The following CNTN5 variants were observed in gnomAD, a reference collection of about 807,000 sequenced individuals.
CNTN5 encodes contactin-5.
In CNTN5, 77 loss-of-function variants were observed where a neutral mutation model predicts 129.1. That is an observed-to-expected ratio of 0.60 (90% CI 0.50 to 0.72). The LOEUF is 0.72. Among genes scored for constraint, CNTN5 ranks in the 30% least tolerant of loss-of-function variants. The pLI is 0.00. For synonymous variants in CNTN5, 509 were observed against 465.6 expected, an observed-to-expected ratio of 1.09 and a Z score of -1.20; for missense variants, 1,478 against 1,328.8, an observed-to-expected ratio of 1.11 and a Z score of -1.75.
At chr11:99,866,313 A>G (rs1948354836) in intron 6 of CNTN5, among the ~76,000 whole-genome samples, 1 of 152,204 alleles carries the variant, frequency 6.6e-6, no homozygotes, top group Admixed American at 6.5e-5. Context: ...AATAGTGGTA[A>G]CTTCTCCTGG....
At chr11:99,868,818 C>A (rs1047683515) in intron 6 of CNTN5, among the ~76,000 whole-genome samples, 2 of 152,096 alleles carry the variant, frequency 1.3e-5, no homozygotes, top group Non-Finnish European at 2.9e-5. Flanking sequence ...CTTGAGTCTG[C>A]ACATTCATCA....
intron 15 of CNTN5, among the ~76,000 whole-genome samples, chr11:100,200,882 C>CT (rs1948761843): frequency 6.6e-6 from 1 of 151,894 alleles, no homozygotes. Context: ...GTATCTAGGA[C>CT]TGTATATGTT....
intron 8 of CNTN5, among the ~76,000 whole-genome samples, chr11:99,969,489 C>T (rs911756627): frequency 6.6e-6 from 1 of 152,094 alleles, no homozygotes; most frequent in Non-Finnish European, 1.5e-5. Flanking sequence ...AACTACTTGA[C>T]ACTCAATTCT....
intron 4 of CNTN5, among the ~76,000 whole-genome samples, chr11:99,823,937 T>A (rs1341817798): frequency 6.6e-6 from 1 of 152,092 alleles, no homozygotes; most frequent in Non-Finnish European, 1.5e-5. Context: ...TCAGTCATGA[T>A]CCACCTTTTC....
chr11:100,183,696 T>C (rs749593347), intron 13 of CNTN5, among the ~76,000 whole-genome samples: 1 of 152,132 alleles, frequency 6.6e-6, no homozygotes, highest in African/African-American at 2.4e-5. Context: ...ATCTTCACTA[T>C]GGTAATGGTT....
chr11:99,287,994 T>G, intron 1 of CNTN5, among the ~76,000 whole-genome samples: 1 of 151,996 alleles, frequency 6.6e-6, no homozygotes, highest in East Asian at 1.9e-4. Context: ...TCAAGGACCC[T>G]TATCCTCCTC....
At chr11:99,381,484 A>G (rs955576954) in intron 2 of CNTN5, among the ~76,000 whole-genome samples, 2 of 152,230 alleles carry the variant, frequency 1.3e-5, no homozygotes, top group African/African-American at 4.8e-5. Flanking sequence ...AAATGGCTGT[A>G]TGCAGAAGGC....
chr11:99,410,416 C>T (rs1177065449), intron 2 of CNTN5, among the ~76,000 whole-genome samples: 1 of 152,098 alleles, frequency 6.6e-6, no homozygotes, highest in African/African-American at 2.4e-5. Flanking sequence ...AAAAGACTGG[C>T]AAGCTAGATC....
At chr11:100,195,016 G>A (rs1948599814) in intron 15 of CNTN5, among the ~76,000 whole-genome samples, 1 of 149,884 alleles carries the variant, frequency 6.7e-6, no homozygotes, top group Admixed American at 6.9e-5. Flanking sequence ...AAAGTATTTA[G>A]AGTGTGTTAA....
At chr11:99,332,791 A>G (rs907367715) in intron 2 of CNTN5, among the ~76,000 whole-genome samples, 10 of 152,096 alleles carry the variant, frequency 6.6e-5, no homozygotes, top group African/African-American at 1.4e-4. Flanking sequence ...TAATTAGTCT[A>G]TTAGTATCCA....
chr11:99,848,484 GATA>G (rs1947773111), intron 6 of CNTN5, among the ~76,000 whole-genome samples: 1 of 151,942 alleles, frequency 6.6e-6, no homozygotes. Context: ...AATCGACTGA[GATA>G]ATGATTAAAG....
At chr11:99,333,213 A>AT (rs1866076537) in intron 2 of CNTN5, among the ~76,000 whole-genome samples, 1 of 152,008 alleles carries the variant, frequency 6.6e-6, no homozygotes, top group Non-Finnish European at 1.5e-5. Flanking sequence ...TATTCAAACA[A>AT]TTTTTTCTTA....
chr11:99,144,048 A>G (rs1940501), intron 1 of CNTN5, among the ~76,000 whole-genome samples: 42,427 of 152,090 alleles, frequency 0.28, 5,992 homozygotes, highest in East Asian at 0.38. Context: ...ATGAATATAC[A>G]TTTTATACAG....
intron 9 of CNTN5, among the ~76,000 whole-genome samples, chr11:100,036,967 T>G (rs1262337930): frequency 6.6e-6 from 1 of 150,936 alleles, no homozygotes; most frequent in Non-Finnish European, 1.5e-5. Flanking sequence ...TATTCCCTTC[T>G]CCTGCCTGAT....
At chr11:99,929,453 C>T (rs1402390598) in intron 7 of CNTN5, among the ~76,000 whole-genome samples, 1 of 152,158 alleles carries the variant, frequency 6.6e-6, no homozygotes, top group East Asian at 1.9e-4. Context: ...TCTCATGCTG[C>T]TGTGACAAAA....
At chr11:99,459,672 T>G (rs903443162) in intron 2 of CNTN5, among the ~76,000 whole-genome samples, 1 of 152,040 alleles carries the variant, frequency 6.6e-6, no homozygotes, top group Non-Finnish European at 1.5e-5. Flanking sequence ...TCACTGCCTT[T>G]GCACAGAGCA....
At chr11:100,074,567 G>C (rs1056700942) in intron 13 of CNTN5, among the ~76,000 whole-genome samples, 1 of 152,012 alleles carries the variant, frequency 6.6e-6, no homozygotes, top group Non-Finnish European at 1.5e-5. Context: ...AATTATTTTT[G>C]TTTGTTTTTC....
intron 4 of CNTN5, among the ~76,000 whole-genome samples, chr11:99,844,135 T>G (rs1185338069): frequency 6.6e-6 from 1 of 152,220 alleles, no homozygotes; most frequent in Non-Finnish European, 1.5e-5. Flanking sequence ...CTAACTAAAA[T>G]AGAATCGAGT....
At chr11:99,834,514 T>G (rs957310328) in intron 4 of CNTN5, among the ~76,000 whole-genome samples, 2 of 152,112 alleles carry the variant, frequency 1.3e-5, no homozygotes, top group Admixed American at 6.6e-5. Context: ...AGACCTTGTT[T>G]CAAGAAAAGA....
Sources: allele counts gnomAD v4.1 joint callset (sites outside exome capture counted in the v4.1 genomes callset), GRCh38; gene constraint gnomAD v4.1.1; transcripts MANE v1.5; gene names NCBI Gene and HGNC (gene_info 2026-07-23, HGNC 2026-07-21).